Variants in ZNF808 observed in about 807,000 individuals in gnomAD.
ZNF808 encodes the protein zinc finger protein 808.
A neutral mutation model predicts 8.7 loss-of-function variants in ZNF808; 5 were observed. The ratio of observed to expected loss-of-function variants is 0.58; its 90% CI spans 0.30 to 1.21. The LOEUF is 1.21. Among genes scored for constraint, ZNF808 ranks in the 50% most tolerant of loss-of-function variants. The pLI, the probability that ZNF808 is intolerant of heterozygous loss-of-function variation, is 0.07. For synonymous variants in ZNF808, 380 were observed against 366.0 expected, an observed-to-expected ratio of 1.04 and a Z score of -0.44; for missense variants, 1,103 against 1,098.4, an observed-to-expected ratio of 1.00 and a Z score of -0.06.
At chr19:52,532,249 G>A (rs1416325619) in intron 1 of ZNF808, among the ~76,000 whole-genome samples, 1 of 150,430 alleles carries the variant, frequency 6.6e-6, no homozygotes, top group Non-Finnish European at 1.5e-5. Flanking sequence ...TTTTTGAGAT[G>A]GAATCTCGCT....
chr19:52,557,473 G>A (rs2059842197), downstream of ZNF808, among the ~76,000 whole-genome samples: 1 of 151,626 alleles, frequency 6.6e-6, no homozygotes, highest in South Asian at 2.1e-4. Context: ...TTACCATGTG[G>A]GCCAAGCTGG....
chr19:52,543,625 G>A (rs1007813648), intron 3 of ZNF808, among the ~76,000 whole-genome samples: 2 of 152,216 alleles, frequency 1.3e-5, no homozygotes, highest in African/African-American at 4.8e-5. Flanking sequence ...TAAACATGGG[G>A]TGTGGGCCCG....
chr19:52,560,912 T>C (rs2059854076), downstream of ZNF808, among the ~76,000 whole-genome samples: 1 of 152,118 alleles, frequency 6.6e-6, no homozygotes, highest in African/African-American at 2.4e-5. Flanking sequence ...CCTATTGATT[T>C]TGTAATAGTG....
chr19:52,559,101 G>A (rs2059848321), downstream of ZNF808, among the ~76,000 whole-genome samples: 1 of 152,124 alleles, frequency 6.6e-6, no homozygotes, highest in Admixed American at 6.6e-5. Context: ...CCATCCCCCA[G>A]CCCAACACCC....
At chr19:52,530,361 A>G (rs373095672) in intron 1 of ZNF808, among the ~76,000 whole-genome samples, 1 of 151,462 alleles carries the variant, frequency 6.6e-6, no homozygotes, top group African/African-American at 2.4e-5. Flanking sequence ...CTCTCAACCC[A>G]TAGTAGTTTT....
intron 2 of ZNF808, among the ~76,000 whole-genome samples, chr19:52,534,427 C>A (rs1448676717): frequency 6.6e-6 from 1 of 152,156 alleles, no homozygotes; most frequent in Non-Finnish European, 1.5e-5. Context: ...CTCTTTTCAA[C>A]CTCTTAGCTG....
chr19:52,562,132 C>A (rs1034598641), intron 3 of ZNF808, among the ~76,000 whole-genome samples: 5 of 152,120 alleles, frequency 3.3e-5, no homozygotes, highest in Non-Finnish European at 7.3e-5. Context: ...AATCTCAGCA[C>A]TTTGGGAGGC....
intron 2 of ZNF808, among the ~76,000 whole-genome samples, chr19:52,535,159 A>G (rs915734197): frequency 1.7e-4 from 26 of 151,360 alleles, no homozygotes; most frequent in Middle Eastern, 3.4e-3. Flanking sequence ...GTGAAACCCC[A>G]TCTCTACTAA....
At chr19:52,567,398 T>C (rs186383063), downstream of ZNF808, among the ~76,000 whole-genome samples, 59 of 151,378 alleles carry the variant, frequency 3.9e-4, no homozygotes, top group Non-Finnish European at 6.8e-4. Context: ...GTCGCCCTAC[T>C]GTGTAACTGG....
Position 52,554,790 on chromosome 19 carries a change from G to A in ZNF808, c.1874G>A (p.Cys625Tyr). The A allele has an allele frequency of 1.9e-6, 3 of 1,613,898 alleles. No individual in the cohort carries two copies. Among genetic ancestry groups the A allele is most frequent in the Non-Finnish European group, 2.5e-6 (3 of 1,179,958 alleles). ...CATACTGGAGAGAAACCATACAGAT[G>A]TCAGGTTTGTGACACAGCTTTCACG... Reference protein sequence around the residue: ...RIHTGEKPYRCQVCDTAFTWN... With the variant: ...RIHTGEKPYRYQVCDTAFTWN... Residue 625 changes from cysteine (C) to tyrosine (Y), a missense_variant, in exon 5 of 5, where the codon TGT (cysteine) becomes TAT (tyrosine). Cys to Tyr is a radical substitution (Grantham distance 194). Transcript: ENST00000359798.
chr19:52,553,208 A>G lies in ZNF808; in HGVS notation c.292A>G (p.Ile98Val), dbSNP rs1416715438. ...ATTGCAAAGACATCAAAGTTATCACATTGGAGACTTTTGCTTCCAGGAAAT... is the reference window on the plus strand; with the variant it reads ...ATTGCAAAGACATCAAAGTTATCACGTTGGAGACTTTTGCTTCCAGGAAAT... ...GTLQRHQSYHIGDFCFQEIEK... is the reference protein window; with the variant it reads ...GTLQRHQSYHVGDFCFQEIEK... The change falls in exon 5 of 5, where the codon ATT becomes GTT. Residue 98 changes from isoleucine to valine, a missense_variant. Physicochemically the swap from Ile to Val is conservative, Grantham distance 29. Coordinates refer to ENST00000359798, the MANE Select transcript of ZNF808 (RefSeq NM_001039886.4). The G allele has an allele frequency of 6.2e-7, 1 of 1,614,100 alleles. No individual in the cohort carries two copies. The highest frequency in any genetic ancestry group is 1.1e-5 in the South Asian group (1 of 91,032).
intron 2 of ZNF808, among the ~76,000 whole-genome samples, chr19:52,537,708 G>T (rs575735055): frequency 1.1e-3 from 163 of 152,004 alleles, no homozygotes; most frequent in African/African-American, 3.8e-3. Flanking sequence ...AAAAAAGGGT[G>T]GGGGACTTTG....
At chr19:52,529,913 T>TATATA (rs202165634) in intron 1 of ZNF808, among the ~76,000 whole-genome samples, 147 of 81,798 alleles carry the variant, frequency 1.8e-3, no homozygotes, top group Admixed American at 2.7e-3. Context: ...ATATATATAT[T>TATATA]TTTTTTTTTT....
chr19:52,565,426 T>C (rs925305772), downstream of ZNF808, among the ~76,000 whole-genome samples: 4 of 152,162 alleles, frequency 2.6e-5, no homozygotes, highest in African/African-American at 7.2e-5. Context: ...CTAAACAATA[T>C]AGCTACAAGG....
downstream of ZNF808, chr19:52,556,397 G>C (rs2059836142): frequency 6.5e-6 from 1 of 154,154 alleles, no homozygotes; most frequent in African/African-American, 2.4e-5. Context: ...TGTGATCTCA[G>C]CTCACCACAA....
chr19:52,533,950 T>G (rs544662283), intron 2 of ZNF808, among the ~76,000 whole-genome samples: 6 of 151,628 alleles, frequency 4.0e-5, no homozygotes, highest in Non-Finnish European at 8.8e-5. Context: ...TTTAAAGCTA[T>G]GGACATTTAA....
downstream of ZNF808, among the ~76,000 whole-genome samples, chr19:52,558,803 A>T (rs1414148089): frequency 6.6e-6 from 1 of 152,232 alleles, no homozygotes; most frequent in African/African-American, 2.4e-5. Flanking sequence ...CTGCCTTGAG[A>T]TGCTGTGAAT....
chr19:52,558,612 C>T (rs544619778), downstream of ZNF808, among the ~76,000 whole-genome samples: 22 of 152,122 alleles, frequency 1.4e-4, no homozygotes, highest in South Asian at 3.3e-3. Context: ...CCTCGTGATC[C>T]GCCCGCCTCG....
At chr19:52,535,776 G>T (rs1449614875) in intron 2 of ZNF808, among the ~76,000 whole-genome samples, 2 of 152,196 alleles carry the variant, frequency 1.3e-5, no homozygotes, top group African/African-American at 4.8e-5. Flanking sequence ...CAATTCCAGG[G>T]CTTTTGAATC....
Sources: allele counts gnomAD v4.1 joint callset (sites outside exome capture counted in the v4.1 genomes callset), GRCh38; gene constraint gnomAD v4.1.1; transcripts MANE v1.5; gene names NCBI Gene and HGNC (gene_info 2026-07-23, HGNC 2026-07-21).